Variants in ABCA13 observed in about 807,000 individuals in gnomAD.
ABCA13 encodes ATP binding cassette subfamily A member 13, also known as ATP-binding cassette sub-family A member 13.
ABCA13 carries 476 observed loss-of-function variants against 478.7 expected under a neutral mutation model. The ratio of observed to expected loss-of-function variants is 0.99; its 90% CI spans 0.92 to 1.07. ABCA13 has a LOEUF of 1.07. ABCA13 is among the 50% of genes least tolerant of loss of function. ABCA13 has a pLI of 0.00. For missense variants in ABCA13, 6,060 were observed against 5,910.6 expected (o/e 1.03, Z -0.83); for synonymous variants, 2,252 against 2,158.9 (o/e 1.04, Z -1.20).
intron 31 of ABCA13, 99 bp downstream of exon 31, chr7:48,352,586 G>A (rs1402734309): frequency 3.7e-6 from 5 of 1,368,060 alleles, no homozygotes; most frequent in Non-Finnish European, 4.8e-6. Flanking sequence ...ATTTCAAAAA[G>A]CACTGTTAAA....
At chr7:48,320,098 A>G (rs1479308991) in intron 27 of ABCA13, among the ~76,000 whole-genome samples, 1 of 152,228 alleles carries the variant, frequency 6.6e-6, no homozygotes, top group Non-Finnish European at 1.5e-5. Flanking sequence ...GAGTGTTAAA[A>G]GGTAAACTTA....
chr7:48,190,626 A>G (rs1796976278), intron 1 of ABCA13, among the ~76,000 whole-genome samples: 1 of 152,202 alleles, frequency 6.6e-6, no homozygotes, highest in South Asian at 2.1e-4. Context: ...AAACAACCTC[A>G]TGATATCACT....
chr7:48,524,388 T>A lies in ABCA13; in HGVS notation c.14192T>A (p.Phe4731Tyr), dbSNP rs757435980. The A allele has an allele frequency of 6.2e-7, 1 of 1,613,252 alleles. No homozygotes were observed. Among genetic ancestry groups the A allele is most frequent in the Admixed American group, 1.7e-5 (1 of 59,928 alleles). ...CTTAGTAAACATTATCGACGCTTTT[T>A]CCAGAATATTATTGCTGTGCAAGAT... is the stretch of plus-strand genomic sequence containing the variant. The part of the protein sequence containing the change: ...YNLSKHYRRF[F>Y]QNIIAVQDIS... Residue 4731 changes from phenylalanine to tyrosine, a missense_variant, in exon 54 of 62, where the codon TTC becomes TAC. Phe to Tyr is a conservative substitution (Grantham distance 22). Coordinates refer to ENST00000435803, the MANE Select transcript of ABCA13 (RefSeq NM_152701.5).
chr7:48,427,995 A>G, intron 42 of ABCA13, 124 bp downstream of exon 42: 1 of 576,502 alleles, frequency 1.7e-6, no homozygotes, highest in East Asian at 3.1e-5. Flanking sequence ...GTGAGTGTAT[A>G]GTGAGGGGGC....
At position 48,373,860 on chromosome 7, in the gene ABCA13, TA is replaced by T. The variant is rs536652361; in HGVS notation, c.11134-486del. On this transcript the variant is annotated intron_variant, in intron 33 of 61. Transcript: ENST00000435803. ...GTACACTGTATTTTTTAATGTAAGA[TA>T]TTTTTTTCAATGGGGTTTCGTTCTA... Among the ~76,000 whole-genome samples the T allele has an allele frequency of 6.3e-4, 96 of 152,362 alleles. 1 individual carries two copies. The highest frequency in any genetic ancestry group is 2.4e-3 in the Admixed American group (36 of 15,310).
chr7:48,624,070 G>A (rs1377638263), intron 59 of ABCA13, among the ~76,000 whole-genome samples: 2 of 151,380 alleles, frequency 1.3e-5, no homozygotes, highest in Non-Finnish European at 3.0e-5. Flanking sequence ...GTGTGTGTGT[G>A]TGTGTGTGTG....
At chr7:48,524,511 G>A (rs79347694) in intron 54 of ABCA13, 71 bp downstream of exon 54, 2 of 1,367,910 alleles carry the variant, frequency 1.5e-6, no homozygotes, top group African/African-American at 3.0e-5. Context: ...ATCTGCTTGT[G>A]TTAGTCTCAG....
At chr7:48,476,843 G>T (rs1828150523) in intron 45 of ABCA13, among the ~76,000 whole-genome samples, 1 of 152,168 alleles carries the variant, frequency 6.6e-6, no homozygotes, top group Non-Finnish European at 1.5e-5. Context: ...GGGGCATGAA[G>T]TGGGAAAGGA....
intron 42 of ABCA13, among the ~76,000 whole-genome samples, chr7:48,438,678 T>G (rs941912405): frequency 1.3e-5 from 2 of 151,962 alleles, no homozygotes; most frequent in African/African-American, 4.8e-5. Context: ...ACCAGTTTCT[T>G]TACTGATTTT....
chr7:48,289,143 G>A (rs1798162201), intron 20 of ABCA13, among the ~76,000 whole-genome samples: 1 of 152,242 alleles, frequency 6.6e-6, no homozygotes, highest in African/African-American at 2.4e-5. Flanking sequence ...AGTGTCAGGA[G>A]GGAGTGAGAG....
intron 57 of ABCA13, among the ~76,000 whole-genome samples, chr7:48,591,100 T>C (rs2131415750): frequency 6.6e-6 from 1 of 152,088 alleles, no homozygotes; most frequent in South Asian, 2.1e-4. Flanking sequence ...ACAAGTTTCA[T>C]GGTTTCTCAT....
intron 3 of ABCA13, among the ~76,000 whole-genome samples, chr7:48,201,891 C>T (rs13232020): frequency 0.2 from 30,832 of 151,796 alleles, 3,379 homozygotes; most frequent in Middle Eastern, 0.26. Context: ...GATGTTCGGA[C>T]GTGTCCGGAG....
chr7:48,325,300 A>G (rs1365820413), intron 27 of ABCA13, among the ~76,000 whole-genome samples: 4 of 152,032 alleles, frequency 2.6e-5, no homozygotes, highest in Admixed American at 6.5e-5. Flanking sequence ...CCAGGAACCT[A>G]TTGGTGGCTA....
intron 33 of ABCA13, 37 bp from the exon 34 acceptor site, chr7:48,374,310 A>G (rs1335254255): frequency 3.2e-6 from 5 of 1,576,628 alleles, no homozygotes. Context: ...CAATCAAAAC[A>G]CTAACGTGCA....
chr7:48,492,396 C>T (rs1415368676), intron 48 of ABCA13, among the ~76,000 whole-genome samples: 1 of 152,202 alleles, frequency 6.6e-6, no homozygotes, highest in Non-Finnish European at 1.5e-5. Context: ...TTAGTGGCTT[C>T]TCTTTCTTCT....
rs543515028 is a variant in ABCA13, at chr7:48,275,897, C to G, written c.6231C>G (p.His2077Gln). The stretch of plus-strand genomic sequence containing the variant: ...TAACCCAAGATTTTAGAATCAGACA[C>G]CTGCTTTCTGAAATGAACAAAGGAA... ...KDLTQDFRIRHLLSEMNKGIK... is the reference protein window; with the variant it reads ...KDLTQDFRIRQLLSEMNKGIK... Residue 2077 changes from histidine (H) to glutamine (Q), a missense_variant, in exon 17 of 62, where the codon CAC becomes CAG. Physicochemically the swap from His to Gln is conservative, Grantham distance 24. Coordinates refer to ENST00000435803, the MANE Select transcript of ABCA13 (RefSeq NM_152701.5). 6.2e-7 allele frequency: 1 copy of G among 1,613,424 alleles called. No homozygotes were observed. The highest frequency in any genetic ancestry group is 1.3e-5 in the African/African-American group (1 of 74,902).
intron 42 of ABCA13, among the ~76,000 whole-genome samples, chr7:48,434,970 A>G (rs1713275378): frequency 1.3e-5 from 2 of 151,856 alleles, no homozygotes; most frequent in African/African-American, 4.8e-5. Flanking sequence ...ATTTATCAAT[A>G]TTGTTTTAGC....
intron 58 of ABCA13, among the ~76,000 whole-genome samples, chr7:48,601,526 T>A (rs1790892417): frequency 6.6e-6 from 1 of 152,214 alleles, no homozygotes; most frequent in South Asian, 2.1e-4. Context: ...TCCAGCTTCA[T>A]CCATGTCCCT....
intron 3 of ABCA13, among the ~76,000 whole-genome samples, chr7:48,209,242 TATTAA>T (rs1446109180): frequency 6.6e-6 from 1 of 152,146 alleles, no homozygotes; most frequent in Non-Finnish European, 1.5e-5. Flanking sequence ...TTAAATGTAA[TATTAA>T]ATTCAGTTTT....
Sources: gnomAD v4.1 joint callset for allele counts (sites outside exome capture counted in the v4.1 genomes callset) on GRCh38, gnomAD v4.1.1 for gene constraint, MANE v1.5 for transcripts, NCBI Gene and HGNC (gene_info 2026-07-23, HGNC 2026-07-21) for gene names.